The following ZNF462 variants were observed in gnomAD, a reference collection of about 807,000 sequenced individuals.
ZNF462 encodes zinc finger protein 462, also known as zinc finger PBX1-interacting protein.
In ZNF462, 10 loss-of-function variants were observed where a neutral mutation model predicts 201.9. The ratio of observed to expected loss-of-function variants is 0.05; its 90% CI spans 0.03 to 0.08. The LOEUF is 0.08. ZNF462 is among the 10% of genes least tolerant of loss of function. The probability of loss-of-function intolerance (pLI) is 1.00; values close to 1 mark genes in which losing one functional copy is unlikely to be tolerated. For synonymous variants in ZNF462, 1,227 were observed against 1,193.3 expected (o/e 1.03, Z -0.58); for missense variants, 2,523 against 3,168.3 (o/e 0.80, Z 4.89).
rs866941389 is a variant in ZNF462 at position 106,984,440 on chromosome 9, A to G, written c.7056+31A>G. The G allele has an allele frequency of 6.3e-7, 1 of 1,575,774 alleles. No homozygotes were observed. The highest frequency in any genetic ancestry group is 1.3e-5 in the African/African-American group (1 of 74,328). ...TACCAGGACTTCCTGCTCCCGCCTCAGCACACTTGTGGGGAGGGGCCAAGG... is the reference window on the plus strand; with the variant it reads ...TACCAGGACTTCCTGCTCCCGCCTCGGCACACTTGTGGGGAGGGGCCAAGG... On this transcript the variant is annotated intron_variant, in intron 10 of 12. Transcript: ENST00000277225. This position sits in a 1 kb window ranked among gnomAD's most constrained non-coding sequence, Gnocchi z 6.4.
rs1358232784 is a variant in ZNF462, at chr9:106,925,926, G to A, written c.2014G>A (p.Val672Ile). ...ILGLSSKNNF[V>I]AKASRKLAND... ...TGGGTTGTCCTCCAAGAACAATTTT[G>A]TAGCTAAAGCCTCTAGGAAGCTCGC... The change falls in exon 3 of 13, where the codon GTA becomes ATA. Residue 672 changes from valine (V) to isoleucine (I), a missense_variant. Around this residue, in one of 15 missense-constraint regions of ZNF462, gnomAD observed 383 missense variants for 453.4 expected, o/e 0.84. Transcript: ENST00000277225. This position sits in a 1 kb window ranked among gnomAD's most constrained non-coding sequence, Gnocchi z 7.9. The A allele has an allele frequency of 6.2e-7, 1 of 1,614,168 alleles. No homozygotes were observed. The highest frequency in any genetic ancestry group is 1.3e-5 in the African/African-American group (1 of 75,042).
Position 106,927,591 on chromosome 9 carries a change from C to T in ZNF462, c.3679C>T (p.Arg1227Trp), listed in dbSNP as rs1365581456. The stretch of plus-strand genomic sequence containing the variant: ...CTTCAAGGCCAATGCAGATGTGATC[C>T]GGCAGCATACGGCCACCATTCGAAG... ...RDFKANADVI[R>W]QHTATIRSLC... is the part of the protein sequence containing the mutation. The change falls in exon 3 of 13, where the codon CGG becomes TGG. Residue 1227 changes from arginine (R) to tryptophan (W), a missense_variant. This residue lies in a region of ZNF462 where 222 missense variants were observed against 271.6 expected (regional missense o/e 0.82). Transcript: ENST00000277225. The T allele has an allele frequency of 1.2e-6, 2 of 1,613,784 alleles. No individual in the cohort carries two copies. The highest frequency in any genetic ancestry group is 8.5e-7 in the Non-Finnish European group (1 of 1,179,918).
At chr9:106,975,463 C>T (rs967663228) in intron 9 of ZNF462, 12 of 152,356 alleles carry the variant, frequency 7.9e-5, no homozygotes, top group African/African-American at 2.6e-4. Context: ...CAATGGAAGG[C>T]TGGACATTTA....
chr9:106,950,348 T>TGCA lies in ZNF462; in HGVS notation c.6427+11243_6427+11245dup, dbSNP rs1286826252. Among the ~76,000 whole-genome samples the TGCA allele has an allele frequency of 6.6e-6, 1 of 152,226 alleles. No homozygotes were observed. Among genetic ancestry groups the TGCA allele is most frequent in the Non-Finnish European group, 1.5e-5 (1 of 68,036 alleles). ...CAATGTGCTAGAAGTTGCAAATAGC[T>TGCA]GCAGTCTATCTTACTTGTCCCAAAC... is the stretch of plus-strand genomic sequence containing the variant. On this transcript the variant is annotated intron_variant, in intron 7 of 12. Transcript: ENST00000277225. This position sits in a 1 kb window ranked among gnomAD's most constrained non-coding sequence, Gnocchi z 4.1.
In ZNF462 at chr9:106,876,460, T is replaced by G. The variant is rs548530727; in HGVS notation, c.-31+13105T>G. 6.4e-4 allele frequency among the ~76,000 whole-genome samples: 98 copies of G among 152,294 alleles called. No individual in the cohort carries two copies. Among genetic ancestry groups the G allele is most frequent in the Non-Finnish European group, 1.0e-3 (71 of 68,026 alleles). The stretch of plus-strand genomic sequence containing the variant: ...GCTTTTGGAATCCTGCTTGTTTAAT[T>G]TTGTGCTGTGTGTCCCTTTACTGAT... On this transcript the variant is annotated intron_variant, in intron 1 of 12. Transcript: ENST00000277225. This position sits in a 1 kb window ranked among gnomAD's most constrained non-coding sequence, Gnocchi z 4.9.
intron 1 of ZNF462, among the ~76,000 whole-genome samples, chr9:106,874,072 T>G (rs1274898628): frequency 6.6e-6 from 1 of 152,142 alleles, no homozygotes; most frequent in South Asian, 2.1e-4. Flanking sequence ...CTACCAAATT[T>G]ATAAAAACCG....
intron 7 of ZNF462, among the ~76,000 whole-genome samples, chr9:106,959,992 C>T (rs1182993162): frequency 6.6e-6 from 1 of 152,016 alleles, no homozygotes; most frequent in Non-Finnish European, 1.5e-5. Context: ...GATTTTCTTA[C>T]ACTGCATGGA....
rs1225402289 is a variant in ZNF462, at chr9:106,927,888, G to A, written c.3976G>A (p.Gly1326Ser). ...CATCTACTCCCATACGGAGCCCAAC[G>A]GTTTGCTCCTGCATTACCAACGGAG... The part of the protein sequence containing the change: ...WCIYSHTEPN[G>S]LLLHYQRRHP... The change falls in exon 3 of 13, where the codon GGT becomes AGT. Residue 1326 changes from glycine (G) to serine (S), a missense_variant. Around this residue, in one of 15 missense-constraint regions of ZNF462, gnomAD observed 222 missense variants for 271.6 expected, o/e 0.82. Transcript: ENST00000277225. The A allele has an allele frequency of 2.5e-6, 4 of 1,614,136 alleles. No homozygotes were observed. Among genetic ancestry groups the A allele is most frequent in the African/African-American group, 1.3e-5 (1 of 75,020 alleles).
intron 1 of ZNF462, among the ~76,000 whole-genome samples, chr9:106,881,359 G>A (rs1828089984): frequency 6.6e-6 from 1 of 151,940 alleles, no homozygotes; most frequent in African/African-American, 2.4e-5. Context: ...TGAGGGCCAT[G>A]GTGTATAGTG....
At position 107,012,193 on chromosome 9, in the gene ZNF462, C is replaced by A. The variant is rs893105555; in HGVS notation, c.*1163C>A. 1 of 147,854 alleles carries A rather than the reference C, an allele frequency of 6.8e-6. No homozygotes were observed. The highest frequency in any genetic ancestry group is 1.5e-5 in the Non-Finnish European group (1 of 67,404). 9.2% of individuals were successfully genotyped at this position (147,854 alleles called of 1,614,324 possible). A position where few individuals can be genotyped will look rare whatever the true frequency, so the allele number is the denominator to read the frequency against. On this transcript the variant is annotated 3_prime_UTR_variant, in exon 13 of 13. Transcript: ENST00000277225. ...AGCTTGTGGGCCAGACGAGGAGGTCCTCCTCACCCTTTTGTTGCCTGTCAA... is the reference window on the plus strand; with the variant it reads ...AGCTTGTGGGCCAGACGAGGAGGTCATCCTCACCCTTTTGTTGCCTGTCAA...
At chr9:106,867,763 C>G (rs1322318923) in intron 1 of ZNF462, among the ~76,000 whole-genome samples, 2 of 152,066 alleles carry the variant, frequency 1.3e-5, no homozygotes, top group Admixed American at 6.5e-5. Flanking sequence ...AGGGTCTAGT[C>G]TGTCTTAAAT....
At chr9:106,893,892 A>G (rs552033595) in intron 1 of ZNF462, among the ~76,000 whole-genome samples, 16 of 152,326 alleles carry the variant, frequency 1.1e-4, no homozygotes, top group African/African-American at 3.8e-4. Flanking sequence ...CGCTCTATGC[A>G]TTGTGAAGTG....
intron 1 of ZNF462, among the ~76,000 whole-genome samples, chr9:106,918,670 T>C (rs1829876359): frequency 6.6e-6 from 1 of 152,142 alleles, no homozygotes; most frequent in Admixed American, 6.5e-5. Flanking sequence ...CAACTGAAAA[T>C]ATTAATCTCC....
In ZNF462 at chr9:106,925,417, T is replaced by G; in HGVS notation, c.1505T>G (p.Val502Gly). 1 of 1,614,216 alleles carries G rather than the reference T, an allele frequency of 6.2e-7. No individual in the cohort carries two copies. The highest frequency in any genetic ancestry group is 8.5e-7 in the Non-Finnish European group (1 of 1,180,038). The change falls in exon 3 of 13, where the codon GTG becomes GGG. Residue 502 changes from valine to glycine, a missense_variant. Transcript: ENST00000277225. The surrounding 1 kb of genome is among the most constrained non-coding windows in gnomAD (Gnocchi z 7.9). ...HTGTTSDWDA[V>G]NSQSESISSS... ...GGTACAACGTCAGATTGGGATGCTG[T>G]GAATTCCCAGAGTGAAAGCATTTCT...
chr9:106,888,989 C>T (rs992169735), intron 1 of ZNF462, among the ~76,000 whole-genome samples: 1 of 152,204 alleles, frequency 6.6e-6, no homozygotes, highest in Non-Finnish European at 1.5e-5. Flanking sequence ...GTTGTTTCAG[C>T]AGAATGATCC....
At chr9:106,918,891 A>C (rs1244498163) in intron 1 of ZNF462, among the ~76,000 whole-genome samples, 1 of 152,266 alleles carries the variant, frequency 6.6e-6, no homozygotes, top group Non-Finnish European at 1.5e-5. Context: ...GGTGCTAATG[A>C]GAGCCTTTTA....
Position 106,929,297 on chromosome 9 carries a change from A to G in ZNF462, c.5385A>G (p.Pro1795=). ...TGAAACGCCACCCAGGGGTGTTCCC[A>G]AAGAAGCAGCACGCCAGCAAGTTGG... The part of the protein sequence containing the change: ...HYMKRHPGVF[P]KKQHASKLGG... Residue 1795 remains proline (P), a synonymous_variant, in exon 3 of 13, where the codon CCA becomes CCG. Transcript: ENST00000277225. The surrounding 1 kb of genome is among the most constrained non-coding windows in gnomAD (Gnocchi z 8.7). 1 of 1,614,200 alleles carries G rather than the reference A, an allele frequency of 6.2e-7. No individual in the cohort carries two copies. The highest frequency in any genetic ancestry group is 8.5e-7 in the Non-Finnish European group (1 of 1,180,028).
rs753688471 is a variant in ZNF462 at position 106,927,470 on chromosome 9, T to C, written c.3558T>C (p.Pro1186=). The C allele has an allele frequency of 1.2e-5, 19 of 1,597,100 alleles. No individual in the cohort carries two copies. Among genetic ancestry groups the C allele is most frequent in the Admixed American group, 1.7e-5 (1 of 58,960 alleles). ...LNRSSSERDG[P]PVENEMFFCQ... is the part of the protein sequence containing the mutation. Reference sequence around the variant, plus strand: ...GAAGCAGCTCTGAGAGAGATGGCCCTCCTGTGGAGAATGAGATGTTCTTTT... The same window carrying C: ...GAAGCAGCTCTGAGAGAGATGGCCCCCCTGTGGAGAATGAGATGTTCTTTT... Residue 1186 remains proline (P), a synonymous_variant, in exon 3 of 13, where the codon CCT becomes CCC. Coordinates refer to ENST00000277225, the MANE Select transcript of ZNF462 (RefSeq NM_021224.6).
In ZNF462 at chr9:106,920,863, C is replaced by G. The variant is rs757965035; in HGVS notation, c.-30-2491C>G. The stretch of plus-strand genomic sequence containing the variant: ...TTCTGTTGATGTTGTGCAAATCAGG[C>G]TCAAACTTTCCAAAAGACACACAGC... On this transcript the variant is annotated intron_variant, in intron 1 of 12. Coordinates refer to ENST00000277225, the MANE Select transcript of ZNF462 (RefSeq NM_021224.6). This position sits in a 1 kb window ranked among gnomAD's most constrained non-coding sequence, Gnocchi z 4.3. Among the ~76,000 whole-genome samples the G allele has an allele frequency of 6.6e-6, 1 of 152,176 alleles. No individual in the cohort carries two copies. The highest frequency in any genetic ancestry group is 1.5e-5 in the Non-Finnish European group (1 of 68,036).
Sources: gnomAD v4.1 joint callset for allele counts (sites outside exome capture counted in the v4.1 genomes callset) on GRCh38, gnomAD v4.1.1 for gene constraint, gnomAD v4.1.1 regional missense constraint, Gnocchi (gnomAD v3.1) non-coding constraint, MANE v1.5 for transcripts, NCBI Gene and HGNC (gene_info 2026-07-23, HGNC 2026-07-21) for gene names.